KDM7A: variants seen among roughly 807,000 people sequenced by gnomAD.
KDM7A encodes the protein lysine demethylase 7A.
In KDM7A, 28 loss-of-function variants were observed where a neutral mutation model predicts 114.8. That is an observed-to-expected ratio of 0.24 (90% CI 0.18 to 0.33). The LOEUF (loss-of-function observed/expected upper bound fraction) is 0.33, where lower values mean the gene tolerates loss of function less well. Among genes scored for constraint, KDM7A ranks in the 10% least tolerant of loss-of-function variants. The pLI, the probability that KDM7A is intolerant of heterozygous loss-of-function variation, is 1.00. For missense variants in KDM7A, 942 were observed against 1,142.5 expected, an observed-to-expected ratio of 0.82 and a Z score of 2.53; for synonymous variants, 423 against 397.8, an observed-to-expected ratio of 1.06 and a Z score of -0.75.
In KDM7A at chr7:140,166,350, T is replaced by A. The variant is rs546907099; in HGVS notation, c.194+10394A>T. On this transcript the variant is annotated intron_variant, in intron 1 of 19. Coordinates refer to ENST00000397560, the MANE Select transcript of KDM7A (RefSeq NM_030647.2). ...CTTTTTTTTCCTTTTTTTTTTTTTT[T>A]TTTTTTTGAGGCAGGGTCTCACTGT... Among the ~76,000 whole-genome samples, 272 of 146,630 alleles carry A rather than the reference T, an allele frequency of 1.9e-3. 1 individual carries two copies. Among genetic ancestry groups the A allele is most frequent in the Middle Eastern group, 6.8e-3 (2 of 294 alleles).
Position 140,120,429 on chromosome 7 carries a change from T to C in KDM7A, c.1139+13A>G. The C allele has an allele frequency of 7.7e-6, 12 of 1,549,724 alleles. No homozygotes were observed. The highest frequency in any genetic ancestry group is 1.1e-5 in the Non-Finnish European group (12 of 1,121,912). ...AAAGGACAAAAGGTCATTTAAATAC[T>C]GATGACACAAACCTGAGCTGCATGC... On this transcript the variant is annotated intron_variant, in intron 8 of 19. Coordinates refer to ENST00000397560, the MANE Select transcript of KDM7A (RefSeq NM_030647.2).
At chr7:140,146,051 T>C (rs1042950910) in intron 1 of KDM7A, among the ~76,000 whole-genome samples, 7 of 152,188 alleles carry the variant, frequency 4.6e-5, no homozygotes, top group African/African-American at 1.7e-4. Context: ...TTTTATGAAA[T>C]GTCAGTGAAG....
chr7:140,105,720 T>A (rs911478094), intron 11 of KDM7A, among the ~76,000 whole-genome samples: 1 of 152,242 alleles, frequency 6.6e-6, no homozygotes, highest in South Asian at 2.1e-4. Context: ...CTTGCATCGA[T>A]GTTCATCATG....
At chr7:140,124,887 A>G in intron 6 of KDM7A, 104 bp from the exon 7 acceptor site, 1 of 686,026 alleles carries the variant, frequency 1.5e-6, no homozygotes, top group Non-Finnish European at 2.4e-6. Flanking sequence ...AAATTGGATA[A>G]TTATCAGATT....
At chr7:140,163,719 A>C (rs1282352900) in intron 1 of KDM7A, among the ~76,000 whole-genome samples, 2 of 152,150 alleles carry the variant, frequency 1.3e-5, no homozygotes, top group Non-Finnish European at 2.9e-5. Context: ...TACATATTAA[A>C]TTATATTCCT....
intron 14 of KDM7A, 75 bp downstream of exon 14, chr7:140,098,804 A>C: frequency 1.5e-6 from 2 of 1,336,250 alleles, no homozygotes; most frequent in Non-Finnish European, 2.1e-6. Context: ...AAGAACTTCA[A>C]AATTAGCAAG....
At chr7:140,111,905 A>C (rs1818440075) in intron 10 of KDM7A, among the ~76,000 whole-genome samples, 1 of 151,776 alleles carries the variant, frequency 6.6e-6, no homozygotes, top group South Asian at 2.1e-4. Flanking sequence ...AGATTGTGCC[A>C]CTACACTCTA....
intron 1 of KDM7A, among the ~76,000 whole-genome samples, chr7:140,163,473 G>A (rs1251181321): frequency 6.6e-6 from 1 of 151,920 alleles, no homozygotes; most frequent in Admixed American, 6.6e-5. Context: ...TAGAGATGGA[G>A]GTCTTGCTAC....
intron 1 of KDM7A, among the ~76,000 whole-genome samples, chr7:140,148,099 G>GT (rs1417735949): frequency 1.3e-5 from 2 of 151,680 alleles, no homozygotes; most frequent in African/African-American, 4.8e-5. Flanking sequence ...AATCAACAGC[G>GT]TATTAGCTAC....
intron 1 of KDM7A, among the ~76,000 whole-genome samples, chr7:140,172,399 A>C (rs1376917407): frequency 6.6e-6 from 1 of 152,022 alleles, no homozygotes; most frequent in Non-Finnish European, 1.5e-5. Flanking sequence ...CACACCTGTA[A>C]TCCCAGCACT....
intron 9 of KDM7A, among the ~76,000 whole-genome samples, chr7:140,118,131 G>A (rs889960371): frequency 2.6e-5 from 4 of 152,282 alleles, no homozygotes; most frequent in African/African-American, 9.6e-5. Flanking sequence ...ATCTGTTTAT[G>A]TCTATTCTGA....
chr7:140,110,948 A>G, intron 11 of KDM7A, 147 bp downstream of exon 11: 2 of 477,668 alleles, frequency 4.2e-6, no homozygotes, highest in Non-Finnish European at 7.3e-6. Flanking sequence ...AGAGGCCTGA[A>G]AACCTGAGAA....
chr7:140,115,817 TAAATA>T (rs1459737892), intron 9 of KDM7A, among the ~76,000 whole-genome samples: 19 of 76,360 alleles, frequency 2.5e-4, no homozygotes, highest in Non-Finnish European at 3.6e-4. Flanking sequence ...AAAAAATAAA[TAAATA>T]AAAAAAAATA....
chr7:140,109,517 T>C (rs1818399083), intron 11 of KDM7A, among the ~76,000 whole-genome samples: 1 of 152,220 alleles, frequency 6.6e-6, no homozygotes, highest in Non-Finnish European at 1.5e-5. Context: ...ATCTTTTGGC[T>C]ATTGTGGATA....
At chr7:140,143,484 T>C (rs1006258311) in intron 1 of KDM7A, among the ~76,000 whole-genome samples, 2 of 152,156 alleles carry the variant, frequency 1.3e-5, no homozygotes, top group Non-Finnish European at 2.9e-5. Context: ...ATTAAAATAC[T>C]AAATAAAAAT....
chr7:140,117,769 A>T (rs961709202), intron 9 of KDM7A, among the ~76,000 whole-genome samples: 1 of 152,226 alleles, frequency 6.6e-6, no homozygotes, highest in Non-Finnish European at 1.5e-5. Context: ...GTCCATTGTG[A>T]CATTCCCACA....
At chr7:140,105,271 AC>A (rs1223947286) in intron 11 of KDM7A, among the ~76,000 whole-genome samples, 7 of 152,256 alleles carry the variant, frequency 4.6e-5, no homozygotes, top group Admixed American at 2.6e-4. Context: ...CTAACGGAAT[AC>A]CCTTTATTTC....
chr7:140,176,291 C>T lies in KDM7A; in HGVS notation c.194+453G>A, dbSNP rs1461763808. On this transcript the variant is annotated intron_variant, in intron 1 of 19. Transcript: ENST00000397560. The surrounding 1 kb of genome is among the most constrained non-coding windows in gnomAD (Gnocchi z 4.4). ...TCGCCGCCCGGAAGGAAGGCAGGCG[C>T]GTCGGCCGGCCGGGCAGAGCGGCGG... is the stretch of plus-strand genomic sequence containing the variant. 3.4e-5 allele frequency among the ~76,000 whole-genome samples: 5 copies of T among 148,812 alleles called. No individual in the cohort carries two copies. The highest frequency in any genetic ancestry group is 2.0e-4 in the East Asian group (1 of 5,048).
Position 140,099,898 on chromosome 7 carries a change from C to T in KDM7A, c.1763+1G>A. 1.2e-6 allele frequency: 2 copies of T among 1,608,848 alleles called. No homozygotes were observed. Among genetic ancestry groups the T allele is most frequent in the South Asian group, 1.1e-5 (1 of 90,966 alleles). ...TTGATACTCTGATTTACTTTACATA[C>T]TTAATTATTCTTCCATTTGTCAGCA... On this transcript the variant is annotated splice_donor_variant, in intron 13 of 19. Transcript: ENST00000397560. LOFTEE classifies it high-confidence loss of function.
Sources: allele counts gnomAD v4.1 joint callset (sites outside exome capture counted in the v4.1 genomes callset), GRCh38; gene constraint gnomAD v4.1.1; non-coding constraint Gnocchi (gnomAD v3.1); transcripts MANE v1.5; gene names NCBI Gene and HGNC (gene_info 2026-07-23, HGNC 2026-07-21).